OSBPL10: variants seen among roughly 807,000 people sequenced by gnomAD.
OSBPL10 encodes the protein oxysterol-binding protein-related protein 10.
In OSBPL10, 49 loss-of-function variants were observed where a neutral mutation model predicts 81.7. That is an observed-to-expected ratio of 0.60 (90% CI 0.48 to 0.76). The LOEUF (loss-of-function observed/expected upper bound fraction) is 0.76, where lower values mean the gene tolerates loss of function less well. Ranked by LOEUF, OSBPL10 falls within the 30% of genes least tolerant of loss-of-function variation. The pLI is 0.00. For synonymous variants in OSBPL10, 419 were observed against 383.6 expected (o/e 1.09, Z -1.08); for missense variants, 923 against 987.8 (o/e 0.93, Z 0.88).
chr3:31,723,294 G>A (rs1000526506), intron 6 of OSBPL10, among the ~76,000 whole-genome samples: 1 of 152,198 alleles, frequency 6.6e-6, no homozygotes, highest in African/African-American at 2.4e-5. Flanking sequence ...AGCACCGCAT[G>A]ACACCCAACT....
intron 1 of OSBPL10, among the ~76,000 whole-genome samples, chr3:31,946,662 G>A (rs1004051768): frequency 2.0e-5 from 3 of 152,172 alleles, no homozygotes; most frequent in African/African-American, 7.2e-5. Flanking sequence ...CTTTATCAAA[G>A]GACAAGGCAT....
intron 3 of OSBPL10, among the ~76,000 whole-genome samples, chr3:31,870,019 G>A (rs1026076370): frequency 3.6e-4 from 55 of 152,220 alleles, no homozygotes; most frequent in Non-Finnish European, 5.6e-4. Flanking sequence ...CCACTTTGGT[G>A]GCACTTGAGG....
At chr3:31,870,335 T>G (rs112908676) in intron 3 of OSBPL10, among the ~76,000 whole-genome samples, 4,465 of 152,326 alleles carry the variant, frequency 0.029, 206 homozygotes, top group African/African-American at 0.093. Context: ...GATTTCTCAC[T>G]GGGCCTTAGC....
intron 4 of OSBPL10, among the ~76,000 whole-genome samples, chr3:31,792,860 CTGTGTGTGTGTGTG>C (rs6147757): frequency 0.036 from 4,583 of 126,684 alleles, 97 homozygotes; most frequent in Non-Finnish European, 0.044. Context: ...TCTAGGCACT[CTGTGTGTGTGTGTG>C]TGTGTGTGTG....
intron 4 of OSBPL10, among the ~76,000 whole-genome samples, chr3:31,826,574 C>A (rs1380011247): frequency 6.6e-6 from 1 of 152,206 alleles, no homozygotes; most frequent in Non-Finnish European, 1.5e-5. Context: ...GATATTCAGG[C>A]ACATCTGTCT....
chr3:31,837,086 G>T (rs1439614369), intron 3 of OSBPL10, among the ~76,000 whole-genome samples: 1 of 151,946 alleles, frequency 6.6e-6, no homozygotes, highest in African/African-American at 2.4e-5. Context: ...TAGAGATTCA[G>T]CCCCTTCAGC....
chr3:31,762,974 T>C (rs1698096761), intron 4 of OSBPL10, among the ~76,000 whole-genome samples: 1 of 152,132 alleles, frequency 6.6e-6, no homozygotes, highest in African/African-American at 2.4e-5. Flanking sequence ...GATGCTCACC[T>C]AGCATGGCCT....
intron 4 of OSBPL10, among the ~76,000 whole-genome samples, chr3:31,814,047 T>C (rs1373357772): frequency 6.6e-6 from 1 of 152,102 alleles, no homozygotes; most frequent in East Asian, 1.9e-4. Context: ...AACCTATCCT[T>C]ACAGCCTCTC....
chr3:31,723,462 T>A (rs1300446447), intron 6 of OSBPL10, among the ~76,000 whole-genome samples: 1 of 151,442 alleles, frequency 6.6e-6, no homozygotes, highest in African/African-American at 2.4e-5. Flanking sequence ...GCCATTTGAG[T>A]CCTACATCCA....
At position 31,799,728 on chromosome 3, in the gene OSBPL10, A is replaced by C. The variant is rs866290797; in HGVS notation, c.729+30312T>G. On this transcript the variant is annotated intron_variant, in intron 4 of 11. Transcript: ENST00000396556. Reference sequence around the variant, plus strand: ...AATCACAAAAATCGTAAGCAGCAGTACCAGAAACTTACAAGCAAACAGTGC... The same window carrying C: ...AATCACAAAAATCGTAAGCAGCAGTCCCAGAAACTTACAAGCAAACAGTGC... Among the ~76,000 whole-genome samples, 9 of 152,356 alleles carry C rather than the reference A, an allele frequency of 5.9e-5. No individual in the cohort carries two copies. In the South Asian group the frequency reaches 1.9e-3, roughly 32 times the overall value.
chr3:31,860,740 A>G (rs940617340), intron 3 of OSBPL10, among the ~76,000 whole-genome samples: 1 of 152,116 alleles, frequency 6.6e-6, no homozygotes, highest in Non-Finnish European at 1.5e-5. Flanking sequence ...CAGTGGCACA[A>G]TATCGGCTCA....
chr3:32,040,157 A>G (rs1469946433), intron 2 of OSBPL10, among the ~76,000 whole-genome samples: 1 of 152,200 alleles, frequency 6.6e-6, no homozygotes, highest in Non-Finnish European at 1.5e-5. Context: ...CTGTAATCCC[A>G]GTACTTTGGG....
chr3:31,947,575 A>G (rs1252633821), intron 1 of OSBPL10, among the ~76,000 whole-genome samples: 1 of 152,200 alleles, frequency 6.6e-6, no homozygotes, highest in Non-Finnish European at 1.5e-5. Context: ...TTCCTGCGAC[A>G]GCACTGAGAA....
At position 31,770,751 on chromosome 3, in the gene OSBPL10, A is replaced by C. The variant is rs113788527; in HGVS notation, c.730-22631T>G. ...CGGTGAACCAAGATCGCGTCATTGC[A>C]CTCCAGCCTGGGCAACAAGGGCAAA... On this transcript the variant is annotated intron_variant, in intron 4 of 11. Coordinates refer to ENST00000396556, the MANE Select transcript of OSBPL10 (RefSeq NM_017784.5). Among the ~76,000 whole-genome samples, 483 of 152,170 alleles carry C rather than the reference A, an allele frequency of 3.2e-3. 5 individuals carry two copies. The highest frequency in any genetic ancestry group is 0.011 in the African/African-American group (457 of 41,496).
chr3:31,792,826 G>A (rs1699061449), intron 4 of OSBPL10, among the ~76,000 whole-genome samples: 1 of 148,250 alleles, frequency 6.7e-6, no homozygotes, highest in Non-Finnish European at 1.5e-5. Context: ...TGGTGTGTGG[G>A]GGTGCGTTTT....
At chr3:31,737,643 C>T (rs550247122) in intron 5 of OSBPL10, among the ~76,000 whole-genome samples, 44 of 152,192 alleles carry the variant, frequency 2.9e-4, no homozygotes, top group African/African-American at 1.0e-3. Context: ...TGAGATAAGG[C>T]GGCTCTACCA....
intron 8 of OSBPL10, among the ~76,000 whole-genome samples, chr3:31,674,737 C>T (rs918857619): frequency 6.6e-6 from 1 of 152,214 alleles, no homozygotes; most frequent in East Asian, 1.9e-4. Context: ...CTGAGGCCCT[C>T]GTCAGAAGCA....
intron 3 of OSBPL10, among the ~76,000 whole-genome samples, chr3:31,849,271 G>C (rs921883181): frequency 6.6e-6 from 1 of 151,974 alleles, no homozygotes; most frequent in African/African-American, 2.4e-5. Context: ...AAGGATTATA[G>C]TTTTAAGGCA....
chr3:31,789,357 AG>A (rs1186546590), intron 4 of OSBPL10, among the ~76,000 whole-genome samples: 1 of 152,208 alleles, frequency 6.6e-6, no homozygotes, highest in Non-Finnish European at 1.5e-5. Context: ...GACACTACCA[AG>A]GGGTCTTTCT....
Sources: allele counts gnomAD v4.1 joint callset (sites outside exome capture counted in the v4.1 genomes callset), GRCh38; gene constraint gnomAD v4.1.1; transcripts MANE v1.5; gene names NCBI Gene and HGNC (gene_info 2026-07-23, HGNC 2026-07-21).